Variants in KALRN observed in about 807,000 individuals in gnomAD.
The protein encoded by KALRN is kalirin RhoGEF kinase, also known as kalirin.
A neutral mutation model predicts 353.7 loss-of-function variants in KALRN; 70 were observed. That is an observed-to-expected ratio of 0.20 (90% CI 0.16 to 0.24). The LOEUF (loss-of-function observed/expected upper bound fraction) is 0.24, where lower values mean the gene tolerates loss of function less well. Among genes scored for constraint, KALRN ranks in the 10% least tolerant of loss-of-function variants. The pLI is 1.00. For missense variants in KALRN, 2,791 were observed against 3,756.7 expected (o/e 0.74, Z 6.72); for synonymous variants, 1,391 against 1,434.8 (o/e 0.97, Z 0.69).
At chr3:124,469,063 A>G (rs1577186831) in intron 25 of KALRN, among the ~76,000 whole-genome samples, 1 of 152,398 alleles carries the variant, frequency 6.6e-6, no homozygotes, top group East Asian at 1.9e-4. Flanking sequence ...ATTGGAGATG[A>G]GTAACATTAA....
chr3:124,469,121 A>G (rs79488630), intron 25 of KALRN, among the ~76,000 whole-genome samples: 2,711 of 152,366 alleles, frequency 0.018, 40 homozygotes, highest in East Asian at 0.074. Flanking sequence ...AACTTGGTAT[A>G]TATCTATGCA....
At chr3:124,146,836 C>T (rs1358372601) in intron 1 of KALRN, among the ~76,000 whole-genome samples, 1 of 127,650 alleles carries the variant, frequency 7.8e-6, no homozygotes, top group Non-Finnish European at 1.6e-5. Flanking sequence ...GAGATTGCAC[C>T]TCTGCACTCC....
intron 1 of KALRN, among the ~76,000 whole-genome samples, chr3:124,077,761 C>A (rs915085055): frequency 1.3e-5 from 2 of 152,208 alleles, no homozygotes; most frequent in Non-Finnish European, 2.9e-5. Flanking sequence ...TTGGCATGCT[C>A]CTGCTCAAAG....
chr3:124,192,111 A>G (rs189954816), intron 1 of KALRN, among the ~76,000 whole-genome samples: 190 of 152,304 alleles, frequency 1.2e-3, no homozygotes, highest in African/African-American at 4.1e-3. Flanking sequence ...CATATGTTGA[A>G]GCCCTAACCC....
At chr3:124,073,064 A>G (rs2060093177) in intron 1 of KALRN, among the ~76,000 whole-genome samples, 2 of 152,188 alleles carry the variant, frequency 1.3e-5, no homozygotes, top group South Asian at 4.1e-4. Context: ...CCAGTGCATC[A>G]GCCTACACTG....
chr3:124,384,777 G>A, intron 10 of KALRN, 68 bp from the exon 11 acceptor site: 1 of 1,449,322 alleles, frequency 6.9e-7, no homozygotes, highest in Non-Finnish European at 9.4e-7. Context: ...CAGCTCCGGG[G>A]AGCCCCAGGG....
chr3:124,033,439 GCCCGCACCCCGGC>G lies in KALRN; in HGVS notation c.-297_-285del, dbSNP rs1404827255. On this transcript the variant is annotated 5_prime_UTR_variant, in exon 1 of 60. Coordinates refer to ENST00000682506, the MANE Select transcript of KALRN (RefSeq NM_001388419.1). The surrounding 1 kb of genome is among the most constrained non-coding windows in gnomAD (Gnocchi z 6.2). ...CTGGGGGACAGCGGGCGCCCAGGCA[GCCCGCACCCCGGC>G]CCCGGGCCCCGGCCCCAGCCAGACA... Among the ~76,000 whole-genome samples, 1 of 151,788 alleles carries G rather than the reference GCCCGCACCCCGGC, an allele frequency of 6.6e-6. No homozygotes were observed. Among genetic ancestry groups the G allele is most frequent in the Non-Finnish European group, 1.5e-5 (1 of 67,874 alleles).
chr3:124,050,836 A>G (rs966780947), intron 1 of KALRN, among the ~76,000 whole-genome samples: 2 of 152,202 alleles, frequency 1.3e-5, no homozygotes, highest in Admixed American at 1.3e-4. Flanking sequence ...CATACTAAAA[A>G]AATCCTATTT....
intron 33 of KALRN, among the ~76,000 whole-genome samples, chr3:124,550,770 A>G (rs1322312070): frequency 6.6e-6 from 1 of 152,094 alleles, no homozygotes; most frequent in Non-Finnish European, 1.5e-5. Flanking sequence ...TGGGCAGATC[A>G]TGAGGTCAGG....
chr3:124,687,330 C>T (rs1439986076), intron 51 of KALRN, among the ~76,000 whole-genome samples: 1 of 152,136 alleles, frequency 6.6e-6, no homozygotes, highest in Admixed American at 6.5e-5. Context: ...TCCTCCTCAG[C>T]CCCCCACCTC....
chr3:124,190,498 C>T (rs1216456840), intron 1 of KALRN, among the ~76,000 whole-genome samples: 1 of 152,086 alleles, frequency 6.6e-6, no homozygotes, highest in Non-Finnish European at 1.5e-5. Context: ...TATTTCTGAC[C>T]CCAAGACATG....
At chr3:124,115,176 G>A (rs966538941) in intron 1 of KALRN, among the ~76,000 whole-genome samples, 3 of 152,180 alleles carry the variant, frequency 2.0e-5, no homozygotes, top group African/African-American at 7.2e-5. Context: ...TGTGGTGGAT[G>A]TGTGTTTATA....
chr3:124,357,440 C>T (rs577114277), intron 10 of KALRN, among the ~76,000 whole-genome samples: 5 of 152,300 alleles, frequency 3.3e-5, no homozygotes, highest in African/African-American at 1.2e-4. Flanking sequence ...AATATAAACC[C>T]TTTATGACCT....
At position 124,334,534 on chromosome 3, in the gene KALRN, A is replaced by T. The variant is rs2080923403; in HGVS notation, c.1647+39A>T. The T allele has an allele frequency of 6.8e-7, 1 of 1,476,352 alleles. No homozygotes were observed. The highest frequency in any genetic ancestry group is 9.4e-7 in the Non-Finnish European group (1 of 1,068,626). The allele number at this position is 1,476,352 out of a possible 1,614,324, so 91.5% of individuals were successfully genotyped here. A position where few individuals can be genotyped will look rare whatever the true frequency, so the allele number is the denominator to read the frequency against. ...AGCCCCGGTGTCCATTATCCATTCT[A>T]GGAGGCAGACCGAGCTCAAGTCCCT... is the stretch of plus-strand genomic sequence containing the variant. On this transcript the variant is annotated intron_variant, in intron 9 of 59. Coordinates refer to ENST00000682506, the MANE Select transcript of KALRN (RefSeq NM_001388419.1). This position sits in a 1 kb window ranked among gnomAD's most constrained non-coding sequence, Gnocchi z 4.2.
intron 6 of KALRN, among the ~76,000 whole-genome samples, chr3:124,319,768 G>A (rs1158816546): frequency 5.9e-5 from 9 of 152,020 alleles, no homozygotes; most frequent in East Asian, 1.9e-4. Context: ...CAAGGCAGGC[G>A]GATCACTTGA....
At chr3:124,164,923 G>A (rs1047533831) in intron 1 of KALRN, among the ~76,000 whole-genome samples, 6 of 152,110 alleles carry the variant, frequency 3.9e-5, no homozygotes, top group Admixed American at 6.5e-5. Context: ...AGGCATCTTT[G>A]TCCCGATCAT....
At chr3:124,376,749 C>G (rs764381631) in intron 10 of KALRN, among the ~76,000 whole-genome samples, 17 of 152,152 alleles carry the variant, frequency 1.1e-4, no homozygotes, top group Non-Finnish European at 2.1e-4. Context: ...TGCTGACAAG[C>G]TGCTGAACTG....
chr3:124,341,915 G>A (rs1035104461), intron 9 of KALRN, among the ~76,000 whole-genome samples: 12 of 152,022 alleles, frequency 7.9e-5, no homozygotes, highest in Non-Finnish European at 1.8e-4. Context: ...GTGGGTACAC[G>A]AGAGGAAAGG....
chr3:124,697,831 T>G (rs561592799), intron 55 of KALRN, 107 bp downstream of exon 55: 1 of 1,199,708 alleles, frequency 8.3e-7, no homozygotes, highest in East Asian at 2.7e-5. Flanking sequence ...AACCATTTTT[T>G]CAAAAATTTG....
Sources: allele counts gnomAD v4.1 joint callset (sites outside exome capture counted in the v4.1 genomes callset), GRCh38; gene constraint gnomAD v4.1.1; non-coding constraint Gnocchi (gnomAD v3.1); transcripts MANE v1.5; gene names NCBI Gene and HGNC (gene_info 2026-07-23, HGNC 2026-07-21).